Variants in DLC1 observed in about 807,000 individuals in gnomAD.
DLC1 encodes the protein DLC1 Rho GTPase activating protein.
Under a neutral mutation model 140.3 loss-of-function variants are expected in DLC1, and 54 were observed. The ratio of observed to expected loss-of-function variants is 0.38; its 90% CI spans 0.31 to 0.48. DLC1 has a LOEUF of 0.48. DLC1 is among the 20% of genes least tolerant of loss of function. The pLI is 0.96. For synonymous variants in DLC1, 986 were observed against 728.1 expected, an observed-to-expected ratio of 1.35 and a Z score of -5.70; for missense variants, 2,536 against 1,907.0, an observed-to-expected ratio of 1.33 and a Z score of -6.14.
At chr8:13,147,564 T>A (rs1823524675) in intron 5 of DLC1, among the ~76,000 whole-genome samples, 1 of 152,188 alleles carries the variant, frequency 6.6e-6, no homozygotes, top group Admixed American at 6.5e-5. Context: ...TTTAAGTGTA[T>A]AATGAAGCAG....
chr8:13,553,203 C>CAT (rs1201746846), intron 1 of DLC1, among the ~76,000 whole-genome samples: 3,626 of 67,726 alleles, frequency 0.054, 428 homozygotes, highest in Middle Eastern at 0.12. Flanking sequence ...TGCCAGCTGT[C>CAT]ATATATATAT....
intron 5 of DLC1, among the ~76,000 whole-genome samples, chr8:13,210,760 A>T (rs17127011): frequency 0.15 from 22,490 of 152,148 alleles, 1,852 homozygotes; most frequent in African/African-American, 0.22. Context: ...ACATACTTTG[A>T]CATCTTTTGA....
At chr8:13,599,011 A>C (rs1359208330) in intron 1 of DLC1, among the ~76,000 whole-genome samples, 2 of 151,924 alleles carry the variant, frequency 1.3e-5, no homozygotes, top group African/African-American at 4.8e-5. Flanking sequence ...CTGTAACTTA[A>C]ACATTTAACT....
chr8:13,231,247 T>G (rs1023465368), intron 5 of DLC1, among the ~76,000 whole-genome samples: 3 of 152,188 alleles, frequency 2.0e-5, no homozygotes, highest in Non-Finnish European at 2.9e-5. Flanking sequence ...TGCGGGATTT[T>G]CATTCTTCTT....
intron 4 of DLC1, among the ~76,000 whole-genome samples, chr8:13,373,478 G>C (rs1420346026): frequency 3.3e-5 from 5 of 152,108 alleles, no homozygotes; most frequent in African/African-American, 9.7e-5. Flanking sequence ...CAGTTGTCCT[G>C]ATCTGTTCCC....
intron 1 of DLC1, among the ~76,000 whole-genome samples, chr8:13,506,541 ATG>A (rs2117230529): frequency 6.9e-6 from 1 of 144,656 alleles, no homozygotes; most frequent in South Asian, 2.2e-4. Context: ...ATACACACAC[ATG>A]GACACACACA....
intron 2 of DLC1, among the ~76,000 whole-genome samples, chr8:13,498,635 T>G (rs1399520460): frequency 1.3e-5 from 2 of 152,190 alleles, no homozygotes; most frequent in Non-Finnish European, 2.9e-5. Flanking sequence ...AAACATAGTC[T>G]TTTTGAAGAG....
rs1455215048 is a variant in DLC1 at position 13,579,325 on chromosome 8, A to T, written c.-126+25212T>A. 5.0e-3 allele frequency among the ~76,000 whole-genome samples: 38 copies of T among 7,540 alleles called. 4 individuals carry two copies. Among genetic ancestry groups the T allele is most frequent in the Middle Eastern group, 0.062 (1 of 16 alleles). 4.9% of individuals were successfully genotyped at this position (7,540 alleles called of 152,430 possible). A position where few individuals can be genotyped will look rare whatever the true frequency, so the allele number is the denominator to read the frequency against. On this transcript the variant is annotated intron_variant, in intron 1 of 1. Coordinates refer to the DLC1 transcript ENST00000631382. The stretch of plus-strand genomic sequence containing the variant: ...ACCACAGGTCTGACTTTATATATAT[A>T]TATATATATATATATATATATATAT...
At chr8:13,279,125 A>G (rs1421126573) in intron 5 of DLC1, among the ~76,000 whole-genome samples, 1 of 152,206 alleles carries the variant, frequency 6.6e-6, no homozygotes, top group Admixed American at 6.5e-5. Flanking sequence ...GCCAAAATAA[A>G]ATAACGAACA....
At chr8:13,150,970 G>C (rs1199736141) in intron 5 of DLC1, among the ~76,000 whole-genome samples, 1 of 152,166 alleles carries the variant, frequency 6.6e-6, no homozygotes, top group Non-Finnish European at 1.5e-5. Context: ...TGTAGTCAAG[G>C]CCCTCAGTGA....
chr8:13,210,853 C>T (rs1827903254), intron 5 of DLC1, among the ~76,000 whole-genome samples: 1 of 152,130 alleles, frequency 6.6e-6, no homozygotes. Flanking sequence ...AGTCTCTTTC[C>T]CTGGTCTGAA....
intron 4 of DLC1, among the ~76,000 whole-genome samples, chr8:13,313,319 A>C (rs1832753264): frequency 6.6e-6 from 1 of 152,210 alleles, no homozygotes; most frequent in African/African-American, 2.4e-5. Flanking sequence ...TGCAGAAAAG[A>C]AATTGAAGGC....
At position 13,092,598 on chromosome 8, in the gene DLC1, C is replaced by T. The variant is rs1311069781; in HGVS notation, c.3740+14G>A. On this transcript the variant is annotated intron_variant, in intron 13 of 17. Transcript: ENST00000276297. Reference sequence around the variant, plus strand: ...CTGCCCCCTGTGTGCATGCACCTCCCATGCAGCCCGTACCTGGGAGAGGAA... The same window carrying T: ...CTGCCCCCTGTGTGCATGCACCTCCTATGCAGCCCGTACCTGGGAGAGGAA... The T allele has an allele frequency of 6.2e-7, 1 of 1,613,092 alleles. No homozygotes were observed. Among genetic ancestry groups the T allele is most frequent in the East Asian group, 2.2e-5 (1 of 44,850 alleles).
chr8:13,306,307 C>T (rs1450216145), intron 4 of DLC1, among the ~76,000 whole-genome samples: 2 of 152,148 alleles, frequency 1.3e-5, no homozygotes, highest in Non-Finnish European at 2.9e-5. Context: ...CTGTCTAGTT[C>T]TACTGTTTGT....
At chr8:13,253,339 T>A (rs1304818210) in intron 5 of DLC1, among the ~76,000 whole-genome samples, 1 of 152,208 alleles carries the variant, frequency 6.6e-6, no homozygotes, top group Non-Finnish European at 1.5e-5. Flanking sequence ...TTTTTAAAAA[T>A]TGTCATTGGA....
chr8:13,416,086 G>T (rs1437202165), intron 2 of DLC1, among the ~76,000 whole-genome samples: 1 of 152,148 alleles, frequency 6.6e-6, no homozygotes, highest in African/African-American at 2.4e-5. Context: ...CTTTTTGACT[G>T]TTCACATGTT....
intron 2 of DLC1, among the ~76,000 whole-genome samples, chr8:13,422,494 G>A (rs894552298): frequency 1.3e-5 from 2 of 151,884 alleles, no homozygotes; most frequent in Admixed American, 1.3e-4. Flanking sequence ...GCAGGAGTGG[G>A]GAGCTGGAGA....
At chr8:13,437,834 G>A (rs1839191382) in intron 2 of DLC1, among the ~76,000 whole-genome samples, 1 of 152,074 alleles carries the variant, frequency 6.6e-6, no homozygotes, top group African/African-American at 2.4e-5. Context: ...TCAAGAGGCT[G>A]CTTGAGATCT....
chr8:13,204,068 T>C (rs1827536412), intron 5 of DLC1, among the ~76,000 whole-genome samples: 2 of 152,266 alleles, frequency 1.3e-5, no homozygotes, highest in Admixed American at 1.3e-4. Context: ...GAGGTGACTT[T>C]GAAGAAAGTC....
Sources: gnomAD v4.1 joint callset for allele counts (sites outside exome capture counted in the v4.1 genomes callset) on GRCh38, gnomAD v4.1.1 for gene constraint, MANE v1.5 for transcripts, NCBI Gene and HGNC (gene_info 2026-07-23, HGNC 2026-07-21) for gene names.